Variants in GRID1 observed in about 807,000 individuals in gnomAD.
The protein encoded by GRID1 is glutamate receptor ionotropic, delta-1.
Under a neutral mutation model 98.0 loss-of-function variants are expected in GRID1, and 28 were observed. The ratio of observed to expected loss-of-function variants is 0.29; its 90% confidence interval spans 0.21 to 0.39. GRID1 has a LOEUF of 0.39. Among genes scored for constraint, GRID1 ranks in the 10% least tolerant of loss-of-function variants. GRID1 has a pLI of 1.00. For synonymous variants in GRID1, 553 were observed against 538.5 expected (o/e 1.03, Z -0.37); for missense variants, 1,111 against 1,340.5 (o/e 0.83, Z 2.67).
At chr10:86,278,115 G>A (rs944229688) in intron 2 of GRID1, among the ~76,000 whole-genome samples, 14 of 152,096 alleles carry the variant, frequency 9.2e-5, no homozygotes, top group African/African-American at 3.4e-4. Flanking sequence ...ACCAAAGACA[G>A]GGGCTGGAGT....
chr10:86,143,626 C>T (rs1265928509), intron 3 of GRID1, among the ~76,000 whole-genome samples: 1 of 152,206 alleles, frequency 6.6e-6, no homozygotes, highest in African/African-American at 2.4e-5. Context: ...ACCAACCACA[C>T]GCACCTCCAC....
intron 5 of GRID1, among the ~76,000 whole-genome samples, chr10:85,889,839 AC>A (rs1841169757): frequency 6.6e-6 from 1 of 152,110 alleles, no homozygotes; most frequent in Non-Finnish European, 1.5e-5. Context: ...CCTCATCAAT[AC>A]TTTTTATCTT....
chr10:86,307,648 G>A (rs1847776659), intron 2 of GRID1, among the ~76,000 whole-genome samples: 1 of 152,112 alleles, frequency 6.6e-6, no homozygotes, highest in African/African-American at 2.4e-5. Flanking sequence ...ATAATGTACT[G>A]TATACTTCAA....
intron 4 of GRID1, among the ~76,000 whole-genome samples, chr10:86,072,182 A>G (rs745901568): frequency 1.3e-5 from 2 of 152,162 alleles, no homozygotes; most frequent in Non-Finnish European, 2.9e-5. Flanking sequence ...GGTAAGTTTT[A>G]TATTTCAGAC....
At chr10:86,253,670 G>A (rs999509176) in intron 2 of GRID1, among the ~76,000 whole-genome samples, 1 of 152,178 alleles carries the variant, frequency 6.6e-6, no homozygotes, top group Non-Finnish European at 1.5e-5. Context: ...AGGGCATCAG[G>A]AAAGGGGATC....
intron 8 of GRID1, among the ~76,000 whole-genome samples, chr10:85,835,487 G>A (rs1358550183): frequency 1.3e-5 from 2 of 152,152 alleles, no homozygotes; most frequent in Non-Finnish European, 2.9e-5. Context: ...GACTTCCCCT[G>A]CACAATCTCC....
At chr10:86,179,639 G>A (rs1845626927) in intron 3 of GRID1, among the ~76,000 whole-genome samples, 1 of 152,182 alleles carries the variant, frequency 6.6e-6, no homozygotes, top group African/African-American at 2.4e-5. Context: ...CTGGCCACGG[G>A]ACAGTGTCCT....
At chr10:86,106,643 A>G (rs1844391641) in intron 4 of GRID1, among the ~76,000 whole-genome samples, 1 of 152,106 alleles carries the variant, frequency 6.6e-6, no homozygotes, top group Non-Finnish European at 1.5e-5. Context: ...CCTGGGCTGC[A>G]CACTTGGGCC....
Position 86,192,721 on chromosome 10 carries a change from A to C in GRID1, c.520+13643T>G, listed in dbSNP as rs1845823199. On this transcript the variant is annotated intron_variant, in intron 3 of 15. Transcript: ENST00000327946. This position sits in a 1 kb window ranked among gnomAD's most constrained non-coding sequence, Gnocchi z 4.8. ...TTTTTCCACAATAAAACAAAAAACT[A>C]CAAAAGTAAAGTAGGAACTTCCCAG... 6.6e-6 allele frequency among the ~76,000 whole-genome samples: 1 copy of C among 152,116 alleles called. No individual in the cohort carries two copies. The highest frequency in any genetic ancestry group is 2.1e-4 in the South Asian group (1 of 4,830).
At chr10:85,614,583 G>C (rs1271880471) in intron 14 of GRID1, among the ~76,000 whole-genome samples, 1 of 151,976 alleles carries the variant, frequency 6.6e-6, no homozygotes, top group Non-Finnish European at 1.5e-5. Flanking sequence ...GGGGGAGGAA[G>C]AAACTTCCTA....
intron 2 of GRID1, among the ~76,000 whole-genome samples, chr10:86,344,012 A>G (rs900867976): frequency 1.1e-4 from 17 of 152,244 alleles, no homozygotes; most frequent in African/African-American, 4.1e-4. Context: ...GCCACCGTTC[A>G]TTGGCTGGCC....
At chr10:86,155,866 C>A (rs1589390586) in intron 3 of GRID1, among the ~76,000 whole-genome samples, 1 of 152,166 alleles carries the variant, frequency 6.6e-6, no homozygotes, top group Non-Finnish European at 1.5e-5. Flanking sequence ...TGGCAGGATA[C>A]AGGCCTGAGG....
At chr10:86,186,919 T>A (rs1280878290) in intron 3 of GRID1, among the ~76,000 whole-genome samples, 1 of 152,178 alleles carries the variant, frequency 6.6e-6, no homozygotes, top group Non-Finnish European at 1.5e-5. Flanking sequence ...GTAGAGAGAC[T>A]AACTCCCAGG....
chr10:86,022,848 G>T (rs1213685521), intron 4 of GRID1, among the ~76,000 whole-genome samples: 7 of 151,564 alleles, frequency 4.6e-5, no homozygotes, highest in African/African-American at 1.7e-4. Flanking sequence ...AACCCAGGAG[G>T]TGGAGGTTGC....
chr10:86,103,600 G>A (rs532961324), intron 4 of GRID1, among the ~76,000 whole-genome samples: 54 of 152,348 alleles, frequency 3.5e-4, no homozygotes, highest in Middle Eastern at 3.4e-3. Flanking sequence ...GAGGACTCCC[G>A]ATGCTGCTTA....
At chr10:86,116,155 T>C (rs1554853777) in intron 4 of GRID1, among the ~76,000 whole-genome samples, 1 of 152,216 alleles carries the variant, frequency 6.6e-6, no homozygotes, top group Non-Finnish European at 1.5e-5. Flanking sequence ...CGTTAAGTGA[T>C]GCGTGACTGT....
At chr10:85,612,620 T>G (rs993300359) in intron 15 of GRID1, among the ~76,000 whole-genome samples, 6 of 151,946 alleles carry the variant, frequency 3.9e-5, no homozygotes, top group African/African-American at 1.2e-4. Context: ...CCACGGATGG[T>G]GTGGCTGGGC....
intron 8 of GRID1, among the ~76,000 whole-genome samples, chr10:85,810,170 G>T (rs1398135032): frequency 6.9e-6 from 1 of 145,766 alleles, no homozygotes; most frequent in African/African-American, 2.6e-5. Context: ...AGCTGCTGGG[G>T]TGTGGTGCCA....
chr10:85,789,294 G>A (rs1462735019), intron 8 of GRID1, among the ~76,000 whole-genome samples: 2 of 152,170 alleles, frequency 1.3e-5, no homozygotes, highest in African/African-American at 4.8e-5. Flanking sequence ...ACTGCACAGA[G>A]TACCGCCATC....
Sources: gnomAD v4.1 joint callset for allele counts (sites outside exome capture counted in the v4.1 genomes callset) on GRCh38, gnomAD v4.1.1 for gene constraint, Gnocchi (gnomAD v3.1) non-coding constraint, MANE v1.5 for transcripts, NCBI Gene and HGNC (gene_info 2026-07-23, HGNC 2026-07-21) for gene names.